Variants in FAM13A observed in about 807,000 individuals in gnomAD.
The protein encoded by FAM13A is protein FAM13A.
In FAM13A, 76 loss-of-function variants were observed where a neutral mutation model predicts 129.6. The observed-to-expected ratio is 0.59, with a 90% CI of 0.49 to 0.71. The LOEUF (loss-of-function observed/expected upper bound fraction) is 0.71. Ranked by LOEUF, FAM13A falls within the 30% of genes least tolerant of loss-of-function variation. The probability of loss-of-function intolerance (pLI) is 0.00; values close to 1 mark genes in which losing one functional copy is unlikely to be tolerated. For missense variants in FAM13A, 1,108 were observed against 1,249.3 expected, an observed-to-expected ratio of 0.89 and a Z score of 1.70; for synonymous variants, 443 against 449.9, an observed-to-expected ratio of 0.98 and a Z score of 0.20.
In FAM13A at chr4:88,946,862, A is replaced by C. The variant is rs376506903; in HGVS notation, c.606-8621T>G. On this transcript the variant is annotated intron_variant, in intron 4 of 23. Transcript: ENST00000264344. Reference sequence around the variant, plus strand: ...AGTGCTTGCATAAAGCCACCCTTCAAATGTCAAATGCAGTCTTTTCAGCTG... The same window carrying C: ...AGTGCTTGCATAAAGCCACCCTTCACATGTCAAATGCAGTCTTTTCAGCTG... 7.2e-5 allele frequency among the ~76,000 whole-genome samples: 11 copies of C among 152,234 alleles called. No homozygotes were observed. The East Asian group carries it at 1.4e-3, about 19-fold the overall frequency.
At chr4:88,762,556 C>A (rs151147218) in intron 13 of FAM13A, among the ~76,000 whole-genome samples, 35 of 152,198 alleles carry the variant, frequency 2.3e-4, no homozygotes, top group Middle Eastern at 6.8e-3. Flanking sequence ...GGTTGCCTTG[C>A]CTAGGGCTGC....
chr4:89,004,959 A>G (rs1764806452), intron 3 of FAM13A, among the ~76,000 whole-genome samples: 1 of 143,196 alleles, frequency 7.0e-6, no homozygotes, highest in South Asian at 2.4e-4. Context: ...AAGGTTTGTT[A>G]CATAGGTAAA....
At chr4:88,988,701 A>G (rs1160480294) in intron 4 of FAM13A, among the ~76,000 whole-genome samples, 1 of 152,202 alleles carries the variant, frequency 6.6e-6, no homozygotes, top group East Asian at 1.9e-4. Flanking sequence ...ATATGAAAAT[A>G]GGAGTTAATG....
chr4:88,889,850 C>T (rs1016809337), intron 6 of FAM13A, among the ~76,000 whole-genome samples: 2 of 152,072 alleles, frequency 1.3e-5, no homozygotes, highest in Admixed American at 6.6e-5. Context: ...GTGAAAGAAC[C>T]GAGAAATACA....
chr4:89,020,216 A>G (rs960281752), intron 3 of FAM13A, among the ~76,000 whole-genome samples: 1 of 151,932 alleles, frequency 6.6e-6, no homozygotes, highest in Non-Finnish European at 1.5e-5. Context: ...ATATTTAAAA[A>G]CTTTTTAAAT....
chr4:88,893,367 T>G (rs545088936), intron 6 of FAM13A, among the ~76,000 whole-genome samples: 4 of 152,230 alleles, frequency 2.6e-5, no homozygotes, highest in Non-Finnish European at 4.4e-5. Flanking sequence ...GCTCACGCCT[T>G]TAATCCCAGC....
At chr4:88,785,801 G>A (rs1473365855) in intron 10 of FAM13A, among the ~76,000 whole-genome samples, 1 of 152,170 alleles carries the variant, frequency 6.6e-6, no homozygotes, top group African/African-American at 2.4e-5. Context: ...CGTTCAGTGT[G>A]GGCTGGGAGT....
intron 13 of FAM13A, among the ~76,000 whole-genome samples, chr4:88,767,158 G>C (rs1222659620): frequency 6.6e-6 from 1 of 152,140 alleles, no homozygotes; most frequent in Non-Finnish European, 1.5e-5. Context: ...AACTCAAAGT[G>C]AATTTTTGTT....
rs148727939 is a variant in FAM13A at position 88,886,901 on chromosome 4, C to T, written c.843+19478G>A. ...CAGCCTGGGCCACAAGAGTGAAACT[C>T]TATCTCAAAAAAAAAAAGAAAGAAA... On this transcript the variant is annotated intron_variant, in intron 6 of 23. Coordinates refer to ENST00000264344, the MANE Select transcript of FAM13A (RefSeq NM_014883.4). Among the ~76,000 whole-genome samples the T allele has an allele frequency of 7.4e-3, 919 of 124,652 alleles. 6 individuals carry two copies. Among genetic ancestry groups the T allele is most frequent in the African/African-American group, 0.022 (803 of 35,934 alleles). 81.8% of individuals were successfully genotyped at this position (124,652 alleles called of 152,430 possible).
At chr4:89,022,360 A>C (rs1405666987) in intron 2 of FAM13A, among the ~76,000 whole-genome samples, 1 of 152,212 alleles carries the variant, frequency 6.6e-6, no homozygotes, top group Non-Finnish European at 1.5e-5. Flanking sequence ...ACCCTCATGG[A>C]CTTTGAAGTC....
intron 7 of FAM13A, among the ~76,000 whole-genome samples, chr4:88,826,260 T>C (rs760774564): frequency 3.1e-4 from 47 of 151,694 alleles, no homozygotes; most frequent in Non-Finnish European, 6.2e-4. Context: ...TCCAACTGTT[T>C]TGTGATGTCC....
chr4:89,002,786 G>C (rs537343708), intron 3 of FAM13A, among the ~76,000 whole-genome samples: 12 of 152,086 alleles, frequency 7.9e-5, no homozygotes, highest in Non-Finnish European at 1.5e-4. Context: ...TAAGTACAAC[G>C]TAACAACAAA....
intron 7 of FAM13A, among the ~76,000 whole-genome samples, chr4:88,833,246 A>G (rs1017207852): frequency 1.3e-5 from 2 of 152,152 alleles, no homozygotes; most frequent in African/African-American, 4.8e-5. Flanking sequence ...GGAGTGCATC[A>G]GGAAAAACAG....
At chr4:89,023,768 A>G (rs1224470409) in intron 2 of FAM13A, among the ~76,000 whole-genome samples, 1 of 152,218 alleles carries the variant, frequency 6.6e-6, no homozygotes, top group Non-Finnish European at 1.5e-5. Context: ...AATCCTGGGC[A>G]TGAATATATC....
chr4:88,946,237 T>C (rs1755824503), intron 4 of FAM13A, among the ~76,000 whole-genome samples: 1 of 151,404 alleles, frequency 6.6e-6, no homozygotes, highest in South Asian at 2.1e-4. Flanking sequence ...GAGGTCCTAT[T>C]CCAGCCAATG....
intron 4 of FAM13A, among the ~76,000 whole-genome samples, chr4:88,981,945 T>A (rs1173728386): frequency 6.6e-6 from 1 of 152,178 alleles, no homozygotes; most frequent in Non-Finnish European, 1.5e-5. Flanking sequence ...GATCCGAGTC[T>A]AGGGTTCAAA....
chr4:88,735,884 T>A (rs937209789), intron 21 of FAM13A, among the ~76,000 whole-genome samples: 5 of 152,098 alleles, frequency 3.3e-5, no homozygotes, highest in Non-Finnish European at 7.4e-5. Context: ...AGGATAAGAA[T>A]GGGAAAAATG....
At chr4:88,864,783 T>G (rs1047184968) in intron 6 of FAM13A, among the ~76,000 whole-genome samples, 37 of 152,224 alleles carry the variant, frequency 2.4e-4, no homozygotes, top group Non-Finnish European at 3.1e-4. Context: ...TTAATAGAGC[T>G]TTTCTTAAAA....
At position 88,876,655 on chromosome 4, in the gene FAM13A, A is replaced by G. The variant is rs570806730; in HGVS notation, c.844-25472T>C. 2.0e-3 allele frequency among the ~76,000 whole-genome samples: 304 copies of G among 152,058 alleles called. 2 individuals are homozygous for G. The highest frequency in any genetic ancestry group is 6.7e-3 in the African/African-American group (277 of 41,476). ...CGCCGAGGCTGGAGTGCAGTGGCTC[A>G]ATCTCGGCTCACTGCAAGCTCTGCC... On this transcript the variant is annotated intron_variant, in intron 6 of 23. Coordinates refer to ENST00000264344, the MANE Select transcript of FAM13A (RefSeq NM_014883.4).
Sources: gnomAD v4.1 joint callset for allele counts (sites outside exome capture counted in the v4.1 genomes callset) on GRCh38, gnomAD v4.1.1 for gene constraint, MANE v1.5 for transcripts, NCBI Gene and HGNC (gene_info 2026-07-23, HGNC 2026-07-21) for gene names.